ANKS1A: variants seen among roughly 807,000 people sequenced by gnomAD.
ANKS1A encodes ankyrin repeat and sterile alpha motif domain containing 1A.
Under a neutral mutation model 120.3 loss-of-function variants are expected in ANKS1A, and 55 were observed. That is an observed-to-expected ratio of 0.46 (90% CI 0.37 to 0.57). The LOEUF (loss-of-function observed/expected upper bound fraction) is 0.57, where lower values mean the gene tolerates loss of function less well. Ranked by LOEUF, ANKS1A falls within the 20% of genes least tolerant of loss-of-function variation. ANKS1A has a pLI of 0.00. For missense variants in ANKS1A, 1,123 were observed against 1,480.3 expected, an observed-to-expected ratio of 0.76 and a Z score of 3.96; for synonymous variants, 590 against 604.7, an observed-to-expected ratio of 0.98 and a Z score of 0.36.
chr6:35,097,319 G>C, the ANKS1A span, among the ~76,000 whole-genome samples: 1 of 152,058 alleles, frequency 6.6e-6, no homozygotes, highest in South Asian at 2.1e-4. Context: ...GACCAACCTG[G>C]CCAACATGGT....
In ANKS1A at chr6:34,981,733, G is replaced by T; in HGVS notation, c.479G>T (p.Gly160Val). 6.2e-7 allele frequency: 1 copy of T among 1,614,182 alleles called. No homozygotes were observed. The highest frequency in any genetic ancestry group is 8.5e-7 in the Non-Finnish European group (1 of 1,180,042). The change falls in exon 4 of 24, where the codon GGC becomes GTC. Residue 160 changes from glycine to valine, a missense_variant. Gly to Val is a moderately radical substitution (Grantham distance 109, BLOSUM62 -3). This residue lies in a region of ANKS1A where 146 missense variants were observed against 267.8 expected (regional missense o/e 0.55). Coordinates refer to ENST00000360359, the MANE Select transcript of ANKS1A (RefSeq NM_015245.3). ...ETALHCAAQY[G>V]HTEVVKVLLE... ...GCCCTGCATTGTGCAGCGCAGTATG[G>T]CCACACAGAGGTGGTGAAGGTGCTC...
rs1375415879 is a variant in ANKS1A, at chr6:34,994,347, G to A, written c.1348G>A (p.Glu450Lys). Residue 450 changes from glutamate (E) to lysine (K), a missense_variant, in exon 10 of 24, where the codon GAA (glutamate) becomes AAA (lysine). By Grantham distance (56) the Glu-to-Lys change is moderately conservative. This residue lies in a region of ANKS1A where 904 missense variants were observed against 1,130.4 expected (regional missense o/e 0.80). Coordinates refer to ENST00000360359, the MANE Select transcript of ANKS1A (RefSeq NM_015245.3). ...PRIHGSAARE[E>K]DEHPYELLLT... Reference sequence around the variant, plus strand: ...GATTCATGGGAGTGCAGCCCGGGAAGAAGACGAACACCCTTATGAACTGTT... The same window carrying A: ...GATTCATGGGAGTGCAGCCCGGGAAAAAGACGAACACCCTTATGAACTGTT... 1 of 1,613,774 alleles carries A rather than the reference G, an allele frequency of 6.2e-7. No homozygotes were observed. Among genetic ancestry groups the A allele is most frequent in the Non-Finnish European group, 8.5e-7 (1 of 1,179,740 alleles).
chr6:34,902,913 T>G (rs1348795733), intron 1 of ANKS1A, among the ~76,000 whole-genome samples: 1 of 152,176 alleles, frequency 6.6e-6, no homozygotes, highest in Non-Finnish European at 1.5e-5. Context: ...CATATGTTCT[T>G]TTGTAAAATT....
chr6:34,976,724 TACTA>T (rs1771609243), intron 3 of ANKS1A, among the ~76,000 whole-genome samples: 2 of 152,096 alleles, frequency 1.3e-5, no homozygotes, highest in Admixed American at 1.3e-4. Context: ...CTCTTCTTGA[TACTA>T]CAGTGTTAAC....
At chr6:35,005,641 A>G (rs755418737) in intron 10 of ANKS1A, 16 of 409,682 alleles carry the variant, frequency 3.9e-5, no homozygotes, top group Non-Finnish European at 7.1e-5. Flanking sequence ...AAGAAAAGTA[A>G]AAGTAAAGAA....
Position 34,931,478 on chromosome 6 carries a change from G to C in ANKS1A, c.198-35761G>C, listed in dbSNP as rs534304213. Among the ~76,000 whole-genome samples, 4 of 152,188 alleles carry C rather than the reference G, an allele frequency of 2.6e-5. No individual in the cohort carries two copies. The East Asian group carries it at 7.7e-4, about 29-fold the overall frequency. On this transcript the variant is annotated intron_variant, in intron 1 of 23. Coordinates refer to ENST00000360359, the MANE Select transcript of ANKS1A (RefSeq NM_015245.3). ...CTGTTTTCAATATTGGACCTTTTATGCCTTCTTAGCTTTGAGAGTTCTCAG... is the reference window on the plus strand; with the variant it reads ...CTGTTTTCAATATTGGACCTTTTATCCCTTCTTAGCTTTGAGAGTTCTCAG...
intron 1 of ANKS1A, among the ~76,000 whole-genome samples, chr6:34,945,795 T>C (rs1294309059): frequency 2.0e-5 from 3 of 152,166 alleles, no homozygotes; most frequent in Non-Finnish European, 4.4e-5. Flanking sequence ...TTTGGTGGGA[T>C]TGGCTTTCAA....
chr6:35,014,893 A>G (rs976249926), intron 10 of ANKS1A, among the ~76,000 whole-genome samples: 3 of 152,140 alleles, frequency 2.0e-5, no homozygotes, highest in African/African-American at 7.2e-5. Context: ...AGCTTCTCCT[A>G]GGAAGTACTA....
intron 13 of ANKS1A, among the ~76,000 whole-genome samples, chr6:35,074,613 G>C (rs1161400188): frequency 6.6e-6 from 1 of 152,190 alleles, no homozygotes; most frequent in Non-Finnish European, 1.5e-5. Context: ...CTGCCTTTCT[G>C]CAACAGCAGA....
chr6:34,920,571 G>T (rs1768384731), intron 1 of ANKS1A, among the ~76,000 whole-genome samples: 1 of 152,134 alleles, frequency 6.6e-6, no homozygotes, highest in South Asian at 2.1e-4. Flanking sequence ...TTGGAATGAA[G>T]AATGCTATTC....
At chr6:34,933,657 T>C (rs1769108787) in intron 1 of ANKS1A, among the ~76,000 whole-genome samples, 1 of 152,178 alleles carries the variant, frequency 6.6e-6, no homozygotes. Flanking sequence ...TTTAAATAAA[T>C]TTATACATGG....
At chr6:35,032,677 G>A (rs1774967664) in intron 11 of ANKS1A, among the ~76,000 whole-genome samples, 1 of 152,148 alleles carries the variant, frequency 6.6e-6, no homozygotes, top group South Asian at 2.1e-4. Context: ...TCTTCTTCTT[G>A]AGGGAGATAT....
chr6:35,011,538 T>A (rs1773759366), intron 10 of ANKS1A, among the ~76,000 whole-genome samples: 1 of 152,108 alleles, frequency 6.6e-6, no homozygotes, highest in Non-Finnish European at 1.5e-5. Context: ...TGTGAAACAG[T>A]CCGAAGTCCC....
At chr6:35,020,606 C>T (rs1178892695) in intron 11 of ANKS1A, among the ~76,000 whole-genome samples, 2 of 152,158 alleles carry the variant, frequency 1.3e-5, no homozygotes, top group Non-Finnish European at 2.9e-5. Context: ...CAGTGCTGGG[C>T]GATTCTTCAC....
chr6:34,984,927 C>T (rs907854415), intron 7 of ANKS1A, among the ~76,000 whole-genome samples, 155 bp from the exon 8 acceptor site: 5 of 152,066 alleles, frequency 3.3e-5, no homozygotes, highest in African/African-American at 1.2e-4. Flanking sequence ...TGAAACTATA[C>T]GTATTCTTGT....
At chr6:34,972,117 A>G (rs540623267) in intron 3 of ANKS1A, among the ~76,000 whole-genome samples, 1 of 152,166 alleles carries the variant, frequency 6.6e-6, no homozygotes, top group Non-Finnish European at 1.5e-5. Flanking sequence ...TTCAGCAACC[A>G]TTTCTAATCC....
chr6:34,958,361 C>T (rs183945805), intron 1 of ANKS1A, among the ~76,000 whole-genome samples: 1 of 152,270 alleles, frequency 6.6e-6, no homozygotes, highest in Admixed American at 6.5e-5. Flanking sequence ...TCTCTGTCCT[C>T]TTTACACTGC....
rs182098274 is a variant in ANKS1A, at chr6:34,985,277, C to T, written c.1208C>T (p.Pro403Leu). Residue 403 changes from proline (P) to leucine (L), a missense_variant and splice_region_variant, in exon 8 of 24, where the codon CCT (proline) becomes CTT (leucine). By Grantham distance (98) the Pro-to-Leu change is moderately conservative. Coordinates refer to ENST00000360359, the MANE Select transcript of ANKS1A (RefSeq NM_015245.3). The part of the protein sequence containing the change: ...AAGVKPAGVR[P>L]RERPPPPAKP... ...GGAGTGAAACCTGCTGGAGTGAGGC[C>T]TGTATGTGACCCGGGGCTTACACCT... 9 of 1,613,014 alleles carry T rather than the reference C, an allele frequency of 5.6e-6. No individual in the cohort carries two copies. The African/African-American group carries it at 8.0e-5, about 14-fold the overall frequency.
rs1561969669 is a variant in ANKS1A at position 35,085,715 on chromosome 6, G to A, written c.3133-51G>A. 6.5e-7 allele frequency: 1 copy of A among 1,530,954 alleles called. No homozygotes were observed. The highest frequency in any genetic ancestry group is 8.8e-7 in the Non-Finnish European group (1 of 1,138,672). The allele number at this position is 1,530,954 out of a possible 1,614,324, so 94.8% of individuals were successfully genotyped here. ...CCCTGCGAGGAAGGGCATATCCAGT[G>A]TGAAGCGGCTCCTGAACCAGGTGCT... is the stretch of plus-strand genomic sequence containing the variant. On this transcript the variant is annotated intron_variant, in intron 21 of 23. Transcript: ENST00000360359. The surrounding 1 kb of genome is among the most constrained non-coding windows in gnomAD (Gnocchi z 4.7).
Sources: allele counts gnomAD v4.1 joint callset (sites outside exome capture counted in the v4.1 genomes callset), GRCh38; gene constraint gnomAD v4.1.1; regional missense constraint gnomAD v4.1.1; non-coding constraint Gnocchi (gnomAD v3.1); transcripts MANE v1.5; gene names NCBI Gene and HGNC (gene_info 2026-07-23, HGNC 2026-07-21).